ESCO1: variants seen among roughly 807,000 people sequenced by gnomAD.
ESCO1 encodes the protein N-acetyltransferase ESCO1.
A neutral mutation model predicts 83.5 loss-of-function variants in ESCO1; 33 were observed. The ratio of observed to expected loss-of-function variants is 0.40; its 90% CI spans 0.30 to 0.53. The LOEUF (loss-of-function observed/expected upper bound fraction) is 0.53. Ranked by LOEUF, ESCO1 falls within the 20% of genes least tolerant of loss-of-function variation. The pLI is 0.63. For missense variants in ESCO1, 855 were observed against 968.0 expected (o/e 0.88, Z 1.55); for synonymous variants, 332 against 324.3 (o/e 1.02, Z -0.25).
At chr18:21,575,976 T>A (rs146965430) in intron 2 of ESCO1, among the ~76,000 whole-genome samples, 199 bp from the exon 3 acceptor site, 1 of 152,196 alleles carries the variant, frequency 6.6e-6, no homozygotes, top group Non-Finnish European at 1.5e-5. Flanking sequence ...AATGGACTAG[T>A]AGGCATTCAT....
intron 2 of ESCO1, among the ~76,000 whole-genome samples, chr18:21,580,989 G>A (rs555911987): frequency 4.7e-5 from 7 of 147,486 alleles, no homozygotes; most frequent in Non-Finnish European, 7.5e-5. Context: ...AAACTCCATC[G>A]AAACGGAGTC....
At chr18:21,570,198 A>G (rs2038320989) in intron 4 of ESCO1, among the ~76,000 whole-genome samples, 1 of 152,188 alleles carries the variant, frequency 6.6e-6, no homozygotes, top group African/African-American at 2.4e-5. Flanking sequence ...CCTGGGCTCA[A>G]GAGGTCCTCC....
intron 9 of ESCO1, among the ~76,000 whole-genome samples, chr18:21,537,373 C>T (rs571602445): frequency 6.6e-6 from 1 of 152,040 alleles, no homozygotes; most frequent in Non-Finnish European, 1.5e-5. Context: ...CCCATCTTTA[C>T]AAAATTGTTT....
chr18:21,574,733 T>C lies in ESCO1; in HGVS notation c.111A>G (p.Lys37=), dbSNP rs1568107473. ...EIQDSQKNLA[K]KSGPKETIKS... is the part of the protein sequence containing the mutation. ...TTATAGTCTCCTTTGGACCTGATTTTTTTGCTAGATTCTTTTGAGAATCCT... is the reference window on the plus strand; with the variant it reads ...TTATAGTCTCCTTTGGACCTGATTTCTTTGCTAGATTCTTTTGAGAATCCT... Residue 37 remains lysine (K), a synonymous_variant, in exon 4 of 12, where the codon AAA becomes AAG. Coordinates refer to ENST00000269214, the MANE Select transcript of ESCO1 (RefSeq NM_052911.3). 6.2e-7 allele frequency: 1 copy of C among 1,611,136 alleles called. No homozygotes were observed. Among genetic ancestry groups the C allele is most frequent in the Non-Finnish European group, 8.5e-7 (1 of 1,179,896 alleles).
chr18:21,558,466 T>C (rs1318697814), intron 8 of ESCO1, among the ~76,000 whole-genome samples: 3 of 152,188 alleles, frequency 2.0e-5, no homozygotes, highest in Middle Eastern at 3.2e-3. Flanking sequence ...TAGTAGTTCA[T>C]GCCTGTAATC....
At chr18:21,573,203 TAAAC>T (rs756452254) in intron 4 of ESCO1, 107 bp downstream of exon 4, 27 of 1,109,312 alleles carry the variant, frequency 2.4e-5, no homozygotes, top group African/African-American at 6.4e-5. Context: ...CAGGAGAACT[TAAAC>T]AACTCTTCAA....
chr18:21,532,077 GA>G (rs1235257478), intron 11 of ESCO1, among the ~76,000 whole-genome samples: 1 of 152,026 alleles, frequency 6.6e-6, no homozygotes, highest in East Asian at 1.9e-4. Context: ...AAGAGATTTT[GA>G]TAGTTTACAA....
Position 21,558,848 on chromosome 18 carries a change from G to C in ESCO1, c.1953+2011C>G, listed in dbSNP as rs1251025975. Among the ~76,000 whole-genome samples, 3 of 151,648 alleles carry C rather than the reference G, an allele frequency of 2.0e-5. No homozygotes were observed. The East Asian group carries it at 5.8e-4, about 29-fold the overall frequency. ...CTTCCTGATACTGTCCATTTAACAT[G>C]AATTAACACCAGAGTACCATATGAC... On this transcript the variant is annotated intron_variant, in intron 8 of 11. Transcript: ENST00000269214.
intron 8 of ESCO1, among the ~76,000 whole-genome samples, chr18:21,547,841 C>T (rs1236320461): frequency 6.6e-6 from 1 of 152,176 alleles, no homozygotes; most frequent in Admixed American, 6.5e-5. Flanking sequence ...CAGTGGCTCA[C>T]ACCTGTAATC....
intron 1 of ESCO1, among the ~76,000 whole-genome samples, chr18:21,597,973 G>A (rs188147479): frequency 5.3e-5 from 8 of 152,120 alleles, no homozygotes; most frequent in African/African-American, 1.9e-4. Context: ...AACTTATACA[G>A]GAAAAACAGA....
At chr18:21,559,968 T>C (rs192123540) in intron 8 of ESCO1, among the ~76,000 whole-genome samples, 3 of 152,060 alleles carry the variant, frequency 2.0e-5, no homozygotes, top group Admixed American at 2.0e-4. Context: ...TAAGTATTAA[T>C]ACAAGCATAT....
At chr18:21,595,986 T>C (rs1031022934) in intron 1 of ESCO1, among the ~76,000 whole-genome samples, 4 of 151,080 alleles carry the variant, frequency 2.6e-5, no homozygotes, top group Non-Finnish European at 5.9e-5. Flanking sequence ...AATAAATAAA[T>C]AAAATAAAAA....
At chr18:21,533,928 AG>A (rs1416428499) in intron 10 of ESCO1, among the ~76,000 whole-genome samples, 5 of 152,128 alleles carry the variant, frequency 3.3e-5, no homozygotes, top group Non-Finnish European at 5.9e-5. Context: ...TTAAGAGACA[AG>A]AGTCTGGCTA....
At chr18:21,590,300 C>T (rs1189461210) in intron 1 of ESCO1, among the ~76,000 whole-genome samples, 1 of 151,368 alleles carries the variant, frequency 6.6e-6, no homozygotes, top group Non-Finnish European at 1.5e-5. Context: ...CAGCTCACTG[C>T]AACCTCCGCC....
chr18:21,532,735 G>C, intron 10 of ESCO1, 75 bp from the exon 11 acceptor site: 7 of 1,408,770 alleles, frequency 5.0e-6, no homozygotes, highest in Non-Finnish European at 6.7e-6. Context: ...TGGTTGAGGC[G>C]GTTATGACAT....
chr18:21,594,749 G>A (rs1354935508), intron 1 of ESCO1, among the ~76,000 whole-genome samples: 1 of 151,376 alleles, frequency 6.6e-6, no homozygotes, highest in Non-Finnish European at 1.5e-5. Flanking sequence ...ATCTATTTTT[G>A]AAGAAAAATT....
Position 21,573,527 on chromosome 18 carries a change from T to C in ESCO1, c.1317A>G (p.Leu439=). The part of the protein sequence containing the change: ...MHHPVTQSTF[L]GTKLHDRNIT... ...TATTTCTATCATGTAGCTTTGTCCC[T>C]AAAAACGTACTTTGAGTCACTGGAT... is the stretch of plus-strand genomic sequence containing the variant. The change falls in exon 4 of 12, where the codon TTA becomes TTG. Residue 439 remains leucine, a synonymous_variant. Transcript: ENST00000269214. 6.2e-7 allele frequency: 1 copy of C among 1,613,974 alleles called. No homozygotes were observed. Among genetic ancestry groups the C allele is most frequent in the Non-Finnish European group, 8.5e-7 (1 of 1,179,962 alleles).
At chr18:21,562,460 C>T (rs1382379659) in intron 7 of ESCO1, among the ~76,000 whole-genome samples, 9 of 89,776 alleles carry the variant, frequency 1.0e-4, no homozygotes, top group African/African-American at 2.5e-4. Context: ...TGGGTGACTC[C>T]GTCTTACAAA....
intron 1 of ESCO1, among the ~76,000 whole-genome samples, chr18:21,591,093 G>A (rs1053479858): frequency 1.8e-4 from 28 of 152,106 alleles, no homozygotes; most frequent in African/African-American, 5.8e-4. Context: ...CTTATTTGGG[G>A]AAAAAAGGTC....
Sources: gnomAD v4.1 joint callset for allele counts (sites outside exome capture counted in the v4.1 genomes callset) on GRCh38, gnomAD v4.1.1 for gene constraint, MANE v1.5 for transcripts, NCBI Gene and HGNC (gene_info 2026-07-23, HGNC 2026-07-21) for gene names.